Variants in NCALD observed in about 807,000 individuals in gnomAD.
NCALD encodes neurocalcin-delta.
NCALD carries 10 observed loss-of-function variants against 18.6 expected under a neutral mutation model. The observed-to-expected ratio is 0.54, with a 90% CI of 0.33 to 0.91. The LOEUF (loss-of-function observed/expected upper bound fraction) is 0.91, where lower values mean the gene tolerates loss of function less well. Among genes scored for constraint, NCALD ranks in the 40% least tolerant of loss-of-function variants. The pLI, the probability that NCALD is intolerant of heterozygous loss-of-function variation, is 0.03. For synonymous variants in NCALD, 88 were observed against 87.4 expected (o/e 1.01, Z -0.04); for missense variants, 184 against 247.6 (o/e 0.74, Z 1.72).
At chr8:102,090,406 T>C (rs199936010) in intron 1 of NCALD, among the ~76,000 whole-genome samples, 1 of 152,124 alleles carries the variant, frequency 6.6e-6, no homozygotes, top group Non-Finnish European at 1.5e-5. Context: ...CTACAGGACT[T>C]TGACAGACAT....
At chr8:102,117,251 C>T (rs1825816421) in intron 1 of NCALD, among the ~76,000 whole-genome samples, 2 of 152,222 alleles carry the variant, frequency 1.3e-5, no homozygotes, top group South Asian at 4.1e-4. Flanking sequence ...CCTGTGGCCT[C>T]AGCTTCACAA....
intron 1 of NCALD, among the ~76,000 whole-genome samples, chr8:101,730,014 A>G (rs1816745568): frequency 6.6e-6 from 1 of 152,220 alleles, no homozygotes; most frequent in Admixed American, 6.5e-5. Flanking sequence ...AAGGGATGTA[A>G]AAATGAGAAA....
intron 4 of NCALD, among the ~76,000 whole-genome samples, chr8:101,870,107 C>T (rs891464993): frequency 1.1e-4 from 17 of 152,316 alleles, no homozygotes; most frequent in African/African-American, 4.1e-4. Context: ...AATACTAACT[C>T]ACCAGACGAA....
At position 102,080,194 on chromosome 8, in the gene NCALD, C is replaced by T. The variant is rs191047110; in HGVS notation, c.-210+44043G>A. Among the ~76,000 whole-genome samples the T allele has an allele frequency of 2.2e-3, 329 of 152,296 alleles. 3 individuals carry two copies. Among genetic ancestry groups the T allele is most frequent in the African/African-American group, 7.5e-3 (310 of 41,560 alleles). ...GGCACAGTGTGCTGTTGGCAGCCAG[C>T]GGTGTTTGCTATTTCGACTTCTCAC... On this transcript the variant is annotated intron_variant, in intron 1 of 6. Transcript: ENST00000311028.
At chr8:101,812,381 A>C (rs1813337833) in intron 4 of NCALD, among the ~76,000 whole-genome samples, 1 of 152,162 alleles carries the variant, frequency 6.6e-6, no homozygotes, top group African/African-American at 2.4e-5. Flanking sequence ...CATAATGTAA[A>C]GTCAATATCC....
intron 1 of NCALD, among the ~76,000 whole-genome samples, chr8:101,726,931 A>G (rs1816597841): frequency 6.6e-6 from 1 of 152,220 alleles, no homozygotes; most frequent in Admixed American, 6.5e-5. Context: ...CATGGCATTT[A>G]GGCTCTGGGA....
chr8:101,897,628 C>T (rs1311672621), intron 3 of NCALD, among the ~76,000 whole-genome samples: 1 of 152,230 alleles, frequency 6.6e-6, no homozygotes, highest in East Asian at 1.9e-4. Flanking sequence ...CAATTATGTA[C>T]AGGCTTTGTG....
intron 1 of NCALD, among the ~76,000 whole-genome samples, chr8:102,088,639 G>A (rs1824820590): frequency 6.6e-6 from 1 of 151,908 alleles, no homozygotes; most frequent in South Asian, 2.1e-4. Flanking sequence ...ATTAAAAGTA[G>A]ATAGATCTCT....
At chr8:102,030,885 A>ATAAG (rs1226047641) in intron 1 of NCALD, among the ~76,000 whole-genome samples, 5 of 151,686 alleles carry the variant, frequency 3.3e-5, no homozygotes, top group African/African-American at 1.2e-4. Flanking sequence ...CAAAAAATAA[A>ATAAG]TAAATAAATA....
rs560598379 is a variant in NCALD, at chr8:101,702,315, C to T, written c.379-9419G>A. On this transcript the variant is annotated intron_variant, in intron 2 of 3. Coordinates refer to ENST00000220931, the MANE Select transcript of NCALD (RefSeq NM_032041.3). ...GCGTGATGATAGCTCACTGTAGCTTCGGACCTCCTGGGCTCAAACCATCCT... is the reference window on the plus strand; with the variant it reads ...GCGTGATGATAGCTCACTGTAGCTTTGGACCTCCTGGGCTCAAACCATCCT... 1.8e-4 allele frequency among the ~76,000 whole-genome samples: 28 copies of T among 151,822 alleles called. No individual in the cohort carries two copies. The East Asian group carries it at 5.2e-3, about 28-fold the overall frequency.
intron 1 of NCALD, among the ~76,000 whole-genome samples, chr8:101,765,778 A>T (rs1172756115): frequency 2.0e-5 from 3 of 152,242 alleles, no homozygotes; most frequent in Non-Finnish European, 4.4e-5. Context: ...CAGCCATTTC[A>T]ATTAGTGCCA....
At chr8:101,844,692 A>G (rs1814792609) in intron 4 of NCALD, among the ~76,000 whole-genome samples, 1 of 152,062 alleles carries the variant, frequency 6.6e-6, no homozygotes, top group South Asian at 2.1e-4. Context: ...TAAGCTCAAG[A>G]GCAATGTTCT....
At chr8:101,964,166 A>C (rs1483729072) in intron 2 of NCALD, among the ~76,000 whole-genome samples, 2 of 152,214 alleles carry the variant, frequency 1.3e-5, no homozygotes, top group East Asian at 3.9e-4. Flanking sequence ...CAGACTGCTC[A>C]CCACCTCTCA....
chr8:102,123,975 C>A (rs1826029063), intron 1 of NCALD: 1 of 152,630 alleles, frequency 6.6e-6, no homozygotes, highest in Admixed American at 6.5e-5. Context: ...CTGCCGCCCA[C>A]CCTCAAGGTC....
chr8:101,960,897 G>T (rs942731134), intron 2 of NCALD, among the ~76,000 whole-genome samples: 1 of 152,090 alleles, frequency 6.6e-6, no homozygotes, highest in African/African-American at 2.4e-5. Flanking sequence ...CACTCTTCTT[G>T]TCACTTAGGT....
rs59283854 is a variant in NCALD at position 102,032,622 on chromosome 8, T to TAAAAAA, written c.-209-12339_-209-12334dup. 8.2e-3 allele frequency among the ~76,000 whole-genome samples: 859 copies of TAAAAAA among 104,926 alleles called. 17 individuals are homozygous for TAAAAAA. Among genetic ancestry groups the TAAAAAA allele is most frequent in the Middle Eastern group, 0.029 (5 of 172 alleles). The allele number at this position is 104,926 out of a possible 152,430, so 68.8% of individuals were successfully genotyped here. A position where few individuals can be genotyped will look rare whatever the true frequency, so the allele number is the denominator to read the frequency against. On this transcript the variant is annotated intron_variant, in intron 1 of 6. Transcript: ENST00000311028. ...GGAAAGAACAGAATAGAAAAACTGC[T>TAAAAAA]AAAAAAAAAAAAAAAAAAAAGAGGA... is the stretch of plus-strand genomic sequence containing the variant.
chr8:101,736,063 C>T (rs557936335), intron 1 of NCALD, among the ~76,000 whole-genome samples: 42 of 152,304 alleles, frequency 2.8e-4, no homozygotes, highest in African/African-American at 9.1e-4. Context: ...TCGACACCAG[C>T]GGGAGACTCA....
chr8:101,834,197 A>T (rs1413438965), intron 4 of NCALD, among the ~76,000 whole-genome samples: 6 of 152,202 alleles, frequency 3.9e-5, no homozygotes. Flanking sequence ...GGAGGGTGTG[A>T]AATGTGTGCA....
intron 1 of NCALD, among the ~76,000 whole-genome samples, chr8:102,112,863 C>A (rs1825681892): frequency 6.6e-6 from 1 of 152,150 alleles, no homozygotes; most frequent in African/African-American, 2.4e-5. Flanking sequence ...TCCTCTCTGG[C>A]CATGTGATCT....
Sources: gnomAD v4.1 joint callset for allele counts (sites outside exome capture counted in the v4.1 genomes callset) on GRCh38, gnomAD v4.1.1 for gene constraint, MANE v1.5 for transcripts, NCBI Gene and HGNC (gene_info 2026-07-23, HGNC 2026-07-21) for gene names.